NR6A1: variants seen among roughly 807,000 people sequenced by gnomAD.
The protein encoded by NR6A1 is retinoic acid receptor-related testis-associated receptor.
In NR6A1, 7 loss-of-function variants were observed where a neutral mutation model predicts 59.1. That is an observed-to-expected ratio of 0.12 (90% CI 0.07 to 0.22). The LOEUF (loss-of-function observed/expected upper bound fraction) is 0.22, where lower values mean the gene tolerates loss of function less well. Among genes scored for constraint, NR6A1 ranks in the 10% least tolerant of loss-of-function variants. The pLI, the probability that NR6A1 is intolerant of heterozygous loss-of-function variation, is 1.00. For synonymous variants in NR6A1, 243 were observed against 236.1 expected (o/e 1.03, Z -0.27); for missense variants, 468 against 611.6 (o/e 0.77, Z 2.48).
At chr9:124,553,183 G>C (rs903997255) in intron 3 of NR6A1, among the ~76,000 whole-genome samples, 1 of 152,176 alleles carries the variant, frequency 6.6e-6, no homozygotes, top group South Asian at 2.1e-4. Flanking sequence ...TTTGCCTCTA[G>C]AGCCTCTCTT....
chr9:124,610,662 T>G (rs1002130618), intron 2 of NR6A1, among the ~76,000 whole-genome samples: 2 of 152,198 alleles, frequency 1.3e-5, no homozygotes, highest in African/African-American at 4.8e-5. Flanking sequence ...TTGGAATAGT[T>G]TCAGAAGAAA....
chr9:124,757,499 G>C (rs1282952093), intron 1 of NR6A1, among the ~76,000 whole-genome samples: 1 of 145,444 alleles, frequency 6.9e-6, no homozygotes, highest in African/African-American at 2.5e-5. Flanking sequence ...AGGTCTAGAA[G>C]AAAATGTTAA....
In NR6A1 at chr9:124,609,077, T is replaced by C. The variant is rs140146934; in HGVS notation, c.143-54507A>G. 3.2e-4 allele frequency among the ~76,000 whole-genome samples: 49 copies of C among 152,346 alleles called. No individual in the cohort carries two copies. In the East Asian group the frequency reaches 8.9e-3, roughly 28 times the overall value. ...GGATTGCGAAAATTTTCTCCCATTC[T>C]ATAGGTTGTCTGTTCACTCTGATGA... is the stretch of plus-strand genomic sequence containing the variant. On this transcript the variant is annotated intron_variant, in intron 2 of 9. Coordinates refer to ENST00000487099, the MANE Select transcript of NR6A1 (RefSeq NM_033334.4).
At chr9:124,523,754 CAAGAAA>C (rs1832857583) in intron 9 of NR6A1, among the ~76,000 whole-genome samples, 1 of 151,826 alleles carries the variant, frequency 6.6e-6, no homozygotes. Context: ...CTTTGTGGCC[CAAGAAA>C]TAGAAAAAAA....
At chr9:124,616,016 C>G (rs969421570) in intron 2 of NR6A1, among the ~76,000 whole-genome samples, 1 of 151,976 alleles carries the variant, frequency 6.6e-6, no homozygotes, top group South Asian at 2.1e-4. Flanking sequence ...TGAGTCACCA[C>G]GCCCAGCTCA....
chr9:124,764,226 T>C (rs1386009590), intron 1 of NR6A1, among the ~76,000 whole-genome samples: 1 of 152,104 alleles, frequency 6.6e-6, no homozygotes, highest in Non-Finnish European at 1.5e-5. Flanking sequence ...GGTTAAGCTA[T>C]TCCCTTCACT....
chr9:124,558,166 C>A (rs1309696029), intron 2 of NR6A1, among the ~76,000 whole-genome samples: 1 of 152,190 alleles, frequency 6.6e-6, no homozygotes, highest in African/African-American at 2.4e-5. Flanking sequence ...TGTGCAGCAT[C>A]TGGAGCCAGA....
At chr9:124,573,590 T>C (rs1834508266) in intron 2 of NR6A1, among the ~76,000 whole-genome samples, 2 of 152,352 alleles carry the variant, frequency 1.3e-5, no homozygotes, top group Middle Eastern at 3.4e-3. Flanking sequence ...AAGTATTTCA[T>C]AGGGCATGTC....
intron 2 of NR6A1, among the ~76,000 whole-genome samples, chr9:124,708,936 C>T (rs557687463): frequency 1.3e-5 from 2 of 152,324 alleles, no homozygotes; most frequent in Non-Finnish European, 1.5e-5. Flanking sequence ...TGGTCATTAG[C>T]ATTCCAAGAC....
intron 2 of NR6A1, among the ~76,000 whole-genome samples, chr9:124,661,674 T>C (rs1034652329): frequency 5.3e-5 from 8 of 152,298 alleles, no homozygotes; most frequent in African/African-American, 1.7e-4. Flanking sequence ...CTACCAACAA[T>C]TGGGCTTCCT....
chr9:124,731,723 C>A (rs1007344603), intron 2 of NR6A1, among the ~76,000 whole-genome samples: 1 of 152,180 alleles, frequency 6.6e-6, no homozygotes. Context: ...TTCCTTATGA[C>A]TTTCTTAACA....
chr9:124,597,668 T>C (rs1490275864), intron 2 of NR6A1, among the ~76,000 whole-genome samples: 2 of 152,158 alleles, frequency 1.3e-5, no homozygotes, highest in Non-Finnish European at 2.9e-5. Context: ...AACAAATCTT[T>C]AACATAGCTT....
rs146581787 is a variant in NR6A1, at chr9:124,525,775, C to T, written c.1202-902G>A. On this transcript the variant is annotated intron_variant, in intron 8 of 9. Transcript: ENST00000487099. Reference sequence around the variant, plus strand: ...TAAATATTCTATATATAAATCTTACCGGCCCTTTGAGGCTCAGCTCAGATT... The same window carrying T: ...TAAATATTCTATATATAAATCTTACTGGCCCTTTGAGGCTCAGCTCAGATT... Among the ~76,000 whole-genome samples, 11 of 151,770 alleles carry T rather than the reference C, an allele frequency of 7.2e-5. No homozygotes were observed. In the East Asian group the frequency reaches 7.7e-4, roughly 11 times the overall value.
chr9:124,718,041 A>C (rs951255724), intron 2 of NR6A1, among the ~76,000 whole-genome samples: 5 of 152,258 alleles, frequency 3.3e-5, no homozygotes, highest in Admixed American at 1.3e-4. Context: ...ATATTATCTC[A>C]TTATTTTTTA....
chr9:124,566,980 C>T (rs908281454), intron 2 of NR6A1, among the ~76,000 whole-genome samples: 3 of 150,440 alleles, frequency 2.0e-5, no homozygotes, highest in African/African-American at 4.9e-5. Flanking sequence ...TAGTGGCGGG[C>T]GCCTGTAGTC....
intron 7 of NR6A1, among the ~76,000 whole-genome samples, chr9:124,530,202 C>T (rs189332658): frequency 1.2e-4 from 19 of 152,258 alleles, no homozygotes; most frequent in African/African-American, 4.1e-4. Flanking sequence ...TCTGCCCTTT[C>T]TCTTGCGGAC....
intron 2 of NR6A1, among the ~76,000 whole-genome samples, chr9:124,587,166 A>T (rs952094217): frequency 6.6e-6 from 1 of 152,194 alleles, no homozygotes; most frequent in African/African-American, 2.4e-5. Flanking sequence ...GGTCGTTTGC[A>T]TTTTTTAGCA....
chr9:124,598,652 A>C (rs1835350285), intron 2 of NR6A1: 1 of 372,094 alleles, frequency 2.7e-6, no homozygotes, highest in East Asian at 7.0e-5. Flanking sequence ...AAAATTAAAA[A>C]AAAAAAAAAA....
chr9:124,586,445 ATT>A (rs111374183), intron 2 of NR6A1, among the ~76,000 whole-genome samples: 4 of 143,870 alleles, frequency 2.8e-5, no homozygotes, highest in Admixed American at 7.0e-5. Flanking sequence ...TTGCATGATA[ATT>A]TTTTTTTTTT....
Sources: allele counts gnomAD v4.1 joint callset (sites outside exome capture counted in the v4.1 genomes callset), GRCh38; gene constraint gnomAD v4.1.1; transcripts MANE v1.5; gene names NCBI Gene and HGNC (gene_info 2026-07-23, HGNC 2026-07-21).